FAM111B: variants seen among roughly 807,000 people sequenced by gnomAD.
FAM111B encodes the protein FAM111 trypsin like peptidase B, also known as serine protease FAM111B.
In FAM111B, 1 loss-of-function variant was observed where a neutral mutation model predicts 2.8. That is an observed-to-expected ratio of 0.36 (90% CI 0.13 to 1.70). FAM111B has a LOEUF of 1.70. FAM111B is among the 40% of genes most tolerant of loss of function. The pLI is 0.35. For synonymous variants in FAM111B, 297 were observed against 295.6 expected, an observed-to-expected ratio of 1.00 and a Z score of -0.05; for missense variants, 882 against 878.9, an observed-to-expected ratio of 1.00 and a Z score of -0.04.
chr11:59,109,919 A>G (rs1859732925), intron 3 of FAM111B: 2 of 349,678 alleles, frequency 5.7e-6, no homozygotes, highest in Non-Finnish European at 1.0e-5. Flanking sequence ...CAACAAGATG[A>G]CTAACAAACA....
chr11:59,124,813 A>G lies in FAM111B; in HGVS notation c.716A>G (p.Glu239Gly). 6.2e-7 allele frequency: 1 copy of G among 1,613,908 alleles called. No homozygotes were observed. ...TTTCGGTCTGACATAGGTGAATTTG[A>G]ATGGAAACTAAAGGAAGGTCATAAG... ...GRFRSDIGEF[E>G]WKLKEGHKKI... The change falls in exon 4 of 4, where the codon GAA becomes GGA. Residue 239 changes from glutamate to glycine, a missense_variant. By Grantham distance (98) the Glu-to-Gly change is moderately conservative. Transcript: ENST00000343597.
chr11:59,123,327 T>C (rs2135403012), intron 3 of FAM111B, among the ~76,000 whole-genome samples: 1 of 152,296 alleles, frequency 6.6e-6, no homozygotes, highest in Middle Eastern at 3.4e-3. Context: ...TTGGCAAATA[T>C]TTAAAATAGT....
rs1367461964 is a variant in FAM111B, at chr11:59,109,474, A to AC, written c.-86-65dup. The AC allele has an allele frequency of 1.1e-5, 6 of 540,398 alleles. No homozygotes were observed. The African/African-American group carries it at 1.1e-4, about 10-fold the overall frequency. The allele number at this position is 540,398 out of a possible 1,614,324, so 33.5% of individuals were successfully genotyped here. On this transcript the variant is annotated intron_variant, in intron 2 of 3. Transcript: ENST00000343597. ...TCTCAGATATCAGAGATGAGGTCCCACACCACCTGATCTCCAGTGTTTGAA... is the reference window on the plus strand; with the variant it reads ...TCTCAGATATCAGAGATGAGGTCCCACCACCACCTGATCTCCAGTGTTTGAA...
chr11:59,114,918 A>G (rs111636802), intron 3 of FAM111B, among the ~76,000 whole-genome samples: 3,252 of 152,252 alleles, frequency 0.021, 127 homozygotes, highest in African/African-American at 0.074. Context: ...TGATAAGGTG[A>G]TATCTGAGAC....
intron 3 of FAM111B, among the ~76,000 whole-genome samples, chr11:59,113,232 AT>A (rs1859787106): frequency 6.6e-6 from 1 of 152,202 alleles, no homozygotes; most frequent in Non-Finnish European, 1.5e-5. Flanking sequence ...AATTAACACA[AT>A]TGTGGATGAT....
chr11:59,118,696 A>G (rs1219710007), intron 3 of FAM111B, among the ~76,000 whole-genome samples: 3 of 152,186 alleles, frequency 2.0e-5, no homozygotes, highest in Non-Finnish European at 4.4e-5. Context: ...TAAGTTTTTC[A>G]TAACTGTTCT....
rs1303643623 is a variant in FAM111B at position 59,126,553 on chromosome 11, CA to C, written c.*259del. On this transcript the variant is annotated 3_prime_UTR_variant, in exon 4 of 4. Coordinates refer to ENST00000343597, the MANE Select transcript of FAM111B (RefSeq NM_198947.4). ...TTAGGAACTTAAACAGATTAACAAG[CA>C]AAAAAAACAAGCAACCCCATTAAAA... 4.6e-5 allele frequency: 14 copies of C among 307,442 alleles called. No homozygotes were observed. The highest frequency in any genetic ancestry group is 1.0e-4 in the East Asian group (2 of 19,492). 19.0% of individuals were successfully genotyped at this position (307,442 alleles called of 1,614,324 possible). A position where few individuals can be genotyped will look rare whatever the true frequency, so the allele number is the denominator to read the frequency against.
chr11:59,113,659 C>G (rs1859795645), intron 3 of FAM111B, among the ~76,000 whole-genome samples: 1 of 152,196 alleles, frequency 6.6e-6, no homozygotes, highest in African/African-American at 2.4e-5. Context: ...CCTCCCCAGA[C>G]AAAAGCTCTG....
intron 3 of FAM111B, 141 bp downstream of exon 3, chr11:59,109,847 T>G: frequency 6.5e-6 from 3 of 460,136 alleles, no homozygotes; most frequent in Non-Finnish European, 1.1e-5. Context: ...GGGGAGCTCA[T>G]ACACATAAGT....
chr11:59,117,387 C>T (rs1859854359), intron 3 of FAM111B, among the ~76,000 whole-genome samples: 1 of 152,144 alleles, frequency 6.6e-6, no homozygotes, highest in Non-Finnish European at 1.5e-5. Flanking sequence ...CGCACATTTG[C>T]TTTTTTGATA....
intron 3 of FAM111B, among the ~76,000 whole-genome samples, chr11:59,113,047 CT>C (rs1431366070): frequency 6.6e-6 from 1 of 152,160 alleles, no homozygotes; most frequent in Admixed American, 6.5e-5. Context: ...CATGCTTTTG[CT>C]TTTACATCAG....
At chr11:59,122,562 A>C (rs1269922028) in intron 3 of FAM111B, among the ~76,000 whole-genome samples, 1 of 152,216 alleles carries the variant, frequency 6.6e-6, no homozygotes, top group Non-Finnish European at 1.5e-5. Flanking sequence ...TTCACAGGAT[A>C]CTAGCTTGAG....
intron 1 of FAM111B, among the ~76,000 whole-genome samples, chr11:59,107,551 G>A (rs2282482): frequency 0.16 from 24,617 of 152,160 alleles, 2,169 homozygotes; most frequent in Non-Finnish European, 0.2. Flanking sequence ...TCCTTTCCCT[G>A]CCCGGTGCCG....
At chr11:59,118,786 TC>T (rs1555012950) in intron 3 of FAM111B, among the ~76,000 whole-genome samples, 1 of 46,376 alleles carries the variant, frequency 2.2e-5, no homozygotes, top group Non-Finnish European at 4.3e-5. Flanking sequence ...CCAAATACTT[TC>T]TCTATGTCTG....
rs1860036394 is a variant in FAM111B, at chr11:59,126,407, G to A, written c.*105G>A. On this transcript the variant is annotated 3_prime_UTR_variant, in exon 4 of 4. Coordinates refer to ENST00000343597, the MANE Select transcript of FAM111B (RefSeq NM_198947.4). ...AACAAAAGTGAAAATTGGCAAATGA[G>A]ACCTAATTAAATCTTCTGCACAGCA... is the stretch of plus-strand genomic sequence containing the variant. 3 of 889,882 alleles carry A rather than the reference G, an allele frequency of 3.4e-6. No homozygotes were observed. Among genetic ancestry groups the A allele is most frequent in the Non-Finnish European group, 3.3e-6 (2 of 606,114 alleles). The allele number at this position is 889,882 out of a possible 1,614,324, so 55.1% of individuals were successfully genotyped here.
chr11:59,114,934 A>G (rs1429469664), intron 3 of FAM111B, among the ~76,000 whole-genome samples: 2 of 152,178 alleles, frequency 1.3e-5, no homozygotes, highest in East Asian at 3.9e-4. Context: ...GAGACCTGAA[A>G]GGAGTGAGGA....
At chr11:59,119,202 G>T (rs1375079369) in intron 3 of FAM111B, among the ~76,000 whole-genome samples, 1 of 152,070 alleles carries the variant, frequency 6.6e-6, no homozygotes, top group African/African-American at 2.4e-5. Flanking sequence ...GACTTAATGG[G>T]GACCCTCTCT....
chr11:59,125,716 A>T lies in FAM111B; in HGVS notation c.1619A>T (p.Asn540Ile). The T allele has an allele frequency of 1.2e-6, 2 of 1,613,840 alleles. No individual in the cohort carries two copies. The highest frequency in any genetic ancestry group is 1.7e-6 in the Non-Finnish European group (2 of 1,179,812). The change falls in exon 4 of 4, where the codon AAT becomes ATT. Residue 540 changes from asparagine (N) to isoleucine (I), a missense_variant. Physicochemically the swap from Asn to Ile is moderately radical, Grantham distance 149. Transcript: ENST00000343597. ...FSIEPWLKVSNENLDYAILKL... is the reference protein window; with the variant it reads ...FSIEPWLKVSIENLDYAILKL... ...ATTGAGCCATGGCTTAAAGTGTCCA[A>T]TGAAAATCTAGATTATGCCATTTTA... is the stretch of plus-strand genomic sequence containing the variant.
At chr11:59,113,379 G>A (rs1297678907) in intron 3 of FAM111B, among the ~76,000 whole-genome samples, 2 of 152,220 alleles carry the variant, frequency 1.3e-5, no homozygotes, top group African/African-American at 4.8e-5. Context: ...AGAGCAGGGA[G>A]TGGGTGATTG....
Sources: allele counts gnomAD v4.1 joint callset (sites outside exome capture counted in the v4.1 genomes callset), GRCh38; gene constraint gnomAD v4.1.1; transcripts MANE v1.5; gene names NCBI Gene and HGNC (gene_info 2026-07-23, HGNC 2026-07-21).